IPO11: variants seen among roughly 807,000 people sequenced by gnomAD.
IPO11 encodes importin 11.
In IPO11, 66 loss-of-function variants were observed where a neutral mutation model predicts 143.2. That is an observed-to-expected ratio of 0.46 (90% CI 0.38 to 0.57). The LOEUF (loss-of-function observed/expected upper bound fraction) is 0.57, where lower values mean the gene tolerates loss of function less well. Among genes scored for constraint, IPO11 ranks in the 20% least tolerant of loss-of-function variants. The pLI is 0.00. For missense variants in IPO11, 1,026 were observed against 1,141.0 expected (o/e 0.90, Z 1.45); for synonymous variants, 385 against 377.8 (o/e 1.02, Z -0.22).
intron 29 of IPO11, among the ~76,000 whole-genome samples, chr5:62,609,645 T>C (rs1199172603): frequency 6.6e-6 from 1 of 152,246 alleles, no homozygotes; most frequent in African/African-American, 2.4e-5. Context: ...TGTGTCATTT[T>C]GACATCTCTA....
At chr5:62,415,892 A>T (rs541817067) in intron 1 of IPO11, among the ~76,000 whole-genome samples, 7 of 152,254 alleles carry the variant, frequency 4.6e-5, no homozygotes, top group African/African-American at 1.7e-4. Context: ...CTATCTGTCC[A>T]TCTCTAATGA....
chr5:62,457,553 C>CA (rs1324392566), intron 5 of IPO11, among the ~76,000 whole-genome samples: 1 of 152,044 alleles, frequency 6.6e-6, no homozygotes, highest in Non-Finnish European at 1.5e-5. Context: ...TGCTGTGTGG[C>CA]AAGGTGAAGT....
rs935256642 is a variant in IPO11, at chr5:62,412,861, C to T, written c.-75C>T. On this transcript the variant is annotated 5_prime_UTR_variant, in exon 1 of 30. Transcript: ENST00000325324. ...GGGTCTGGCAGCGTGGGGAGAGGGA[C>T]CAACCGACGCCACTTCGTGTTGGGA... is the stretch of plus-strand genomic sequence containing the variant. 6 of 152,660 alleles carry T rather than the reference C, an allele frequency of 3.9e-5. No individual in the cohort carries two copies. Among genetic ancestry groups the T allele is most frequent in the African/African-American group, 1.4e-4 (6 of 41,450 alleles). The allele number at this position is 152,660 out of a possible 1,614,324, so 9.5% of individuals were successfully genotyped here. A position where few individuals can be genotyped will look rare whatever the true frequency, so the allele number is the denominator to read the frequency against.
At position 62,590,195 on chromosome 5, in the gene IPO11, T is replaced by C. The variant is rs188540498; in HGVS notation, c.2583-1382T>C. 4.5e-4 allele frequency among the ~76,000 whole-genome samples: 68 copies of C among 152,326 alleles called. 1 individual carries two copies. Among genetic ancestry groups the C allele is most frequent in the African/African-American group, 1.6e-3 (65 of 41,570 alleles). On this transcript the variant is annotated intron_variant, in intron 27 of 29. Coordinates refer to ENST00000325324, the MANE Select transcript of IPO11 (RefSeq NM_016338.5). Reference sequence around the variant, plus strand: ...TGTTCCAGTTGTCAGCTCTTCCTCCTCTGGTAGGGAAAGTGGAAAACTATT... The same window carrying C: ...TGTTCCAGTTGTCAGCTCTTCCTCCCCTGGTAGGGAAAGTGGAAAACTATT...
intron 27 of IPO11, among the ~76,000 whole-genome samples, chr5:62,581,740 G>GA (rs1000732389): frequency 6.6e-6 from 1 of 152,056 alleles, no homozygotes; most frequent in Admixed American, 6.6e-5. Flanking sequence ...ATTGTGATAT[G>GA]AAAAAAATAG....
At chr5:62,420,550 C>A (rs1030157430) in intron 1 of IPO11, among the ~76,000 whole-genome samples, 4 of 151,052 alleles carry the variant, frequency 2.6e-5, no homozygotes, top group Non-Finnish European at 5.9e-5. Flanking sequence ...GGATCACTGT[C>A]GTATATATGT....
intron 1 of IPO11, among the ~76,000 whole-genome samples, chr5:62,429,440 C>G (rs1561306148): frequency 6.6e-6 from 1 of 152,036 alleles, no homozygotes; most frequent in African/African-American, 2.4e-5. Context: ...GTTTTTGAGA[C>G]AGAGTCTCAC....
chr5:62,504,973 TG>T (rs1741500223), intron 18 of IPO11, 75 bp downstream of exon 18: 1 of 785,454 alleles, frequency 1.3e-6, no homozygotes, highest in African/African-American at 1.8e-5. Context: ...ATTTTATACA[TG>T]AAATTATCTA....
intron 27 of IPO11, chr5:62,580,023 A>G (rs1561371540): frequency 1.9e-6 from 3 of 1,551,300 alleles, no homozygotes; most frequent in Non-Finnish European, 1.7e-6. Flanking sequence ...TTTTGAGGAT[A>G]TCAGAATCAG....
intron 1 of IPO11, among the ~76,000 whole-genome samples, chr5:62,435,329 C>T (rs954483154): frequency 6.7e-6 from 1 of 150,298 alleles, no homozygotes; most frequent in African/African-American, 2.4e-5. Flanking sequence ...GGCCAGATGC[C>T]ATGGCTCATG....
At chr5:62,494,777 A>G (rs1326296822) in intron 16 of IPO11, among the ~76,000 whole-genome samples, 1 of 152,086 alleles carries the variant, frequency 6.6e-6, no homozygotes. Flanking sequence ...CTGGGTGAAT[A>G]TATTAGTGAC....
intron 14 of IPO11, among the ~76,000 whole-genome samples, chr5:62,489,589 A>G (rs1470679773): frequency 6.6e-6 from 1 of 152,228 alleles, no homozygotes; most frequent in Non-Finnish European, 1.5e-5. Flanking sequence ...AAAGATTCCC[A>G]AAGAAGTGTA....
chr5:62,553,857 A>C (rs1337788437), intron 26 of IPO11, among the ~76,000 whole-genome samples: 1 of 151,958 alleles, frequency 6.6e-6, no homozygotes, highest in Non-Finnish European at 1.5e-5. Flanking sequence ...GGTTCAAGTG[A>C]ATCTCTCGCC....
At chr5:62,414,284 T>C (rs370533529) in intron 1 of IPO11, among the ~76,000 whole-genome samples, 43 of 152,338 alleles carry the variant, frequency 2.8e-4, no homozygotes, top group African/African-American at 1.0e-3. Context: ...TAAAATACAC[T>C]GAAGATTTTT....
At chr5:62,480,918 TTTTTTTTTTTTTTTG>T (rs1416322079) in intron 9 of IPO11, among the ~76,000 whole-genome samples, 4 of 99,574 alleles carry the variant, frequency 4.0e-5, no homozygotes, top group Non-Finnish European at 6.4e-5. Flanking sequence ...TTTTTTTTTT[TTTTTTTTTTTTTTTG>T]GAGACAGAGT....
chr5:62,617,461 G>A (rs1237800989), intron 29 of IPO11, among the ~76,000 whole-genome samples: 1 of 152,152 alleles, frequency 6.6e-6, no homozygotes, highest in East Asian at 1.9e-4. Flanking sequence ...TAAAGGCAGT[G>A]CTGGATAGTG....
At chr5:62,540,550 T>G (rs1742898712) in intron 24 of IPO11, among the ~76,000 whole-genome samples, 1 of 152,238 alleles carries the variant, frequency 6.6e-6, no homozygotes, top group African/African-American at 2.4e-5. Flanking sequence ...TTGTTTTTAA[T>G]TATACTCTTA....
chr5:62,510,603 C>A (rs1031412442), intron 19 of IPO11, among the ~76,000 whole-genome samples: 4 of 152,118 alleles, frequency 2.6e-5, no homozygotes, highest in African/African-American at 9.7e-5. Context: ...TTCAGATTTC[C>A]TTAGTTGCCC....
At chr5:62,516,528 A>G (rs1378750900) in intron 20 of IPO11, among the ~76,000 whole-genome samples, 1 of 152,044 alleles carries the variant, frequency 6.6e-6, no homozygotes, top group Non-Finnish European at 1.5e-5. Context: ...TCCTGACCTC[A>G]AGTGATCCGC....
Sources: gnomAD v4.1 joint callset for allele counts (sites outside exome capture counted in the v4.1 genomes callset) on GRCh38, gnomAD v4.1.1 for gene constraint, MANE v1.5 for transcripts, NCBI Gene and HGNC (gene_info 2026-07-23, HGNC 2026-07-21) for gene names.